TSEN2: variants seen among roughly 807,000 people sequenced by gnomAD.
TSEN2 encodes the protein tRNA splicing endonuclease subunit 2.
A neutral mutation model predicts 59.2 loss-of-function variants in TSEN2; 54 were observed. That is an observed-to-expected ratio of 0.91 (90% CI 0.73 to 1.14). TSEN2 has a LOEUF of 1.14. Among genes scored for constraint, TSEN2 ranks in the 50% most tolerant of loss-of-function variants. TSEN2 has a pLI of 0.00. For synonymous variants in TSEN2, 195 were observed against 198.2 expected, an observed-to-expected ratio of 0.98 and a Z score of 0.14; for missense variants, 636 against 576.2, an observed-to-expected ratio of 1.10 and a Z score of -1.06.
chr3:12,503,686 C>G lies in TSEN2; in HGVS notation c.733C>G (p.Leu245Val). ...TGAAGACGGCAGCCAGCACATCGGC[C>G]TCCTGCATCCTGGGGACAGAGGGCC... ...HHEDGSQHIG[L>V]LHPGDRGPDH... The change falls in exon 5 of 12, where the codon CTC (leucine) becomes GTC (valine). Residue 245 changes from leucine to valine, a missense_variant. By Grantham distance (32) the Leu-to-Val change is conservative (BLOSUM62 1). Transcript: ENST00000284995. The G allele has an allele frequency of 6.2e-7, 1 of 1,611,398 alleles. No individual in the cohort carries two copies. Among genetic ancestry groups the G allele is most frequent in the South Asian group, 1.1e-5 (1 of 90,674 alleles).
At position 12,489,867 on chromosome 3, in the gene TSEN2, T is replaced by C. The variant is rs1376779188; in HGVS notation, c.67T>C (p.Leu23=). The C allele has an allele frequency of 1.2e-6, 2 of 1,614,000 alleles. No individual in the cohort carries two copies. Among genetic ancestry groups the C allele is most frequent in the African/African-American group, 1.3e-5 (1 of 74,920 alleles). ...RRVYETYESP[L]PIPFGQDHGP... ...AGTGTATGAGACTTACGAGTCTCCA[T>C]TGCCAATCCCTTTTGGTCAGGACCA... is the stretch of plus-strand genomic sequence containing the variant. Residue 23 remains leucine (L), a synonymous_variant, in exon 2 of 12, where the codon TTG becomes CTG. Transcript: ENST00000284995.
intron 10 of TSEN2, 170 bp downstream of exon 10, chr3:12,530,043 G>A: frequency 6.9e-7 from 1 of 1,444,644 alleles, no homozygotes; most frequent in Non-Finnish European, 9.0e-7. Context: ...TATTGCGCTA[G>A]AAGTTGTCCT....
intron 9 of TSEN2, 130 bp from the exon 10 acceptor site, chr3:12,529,632 A>G (rs2125245253): frequency 2.5e-6 from 2 of 810,902 alleles, no homozygotes; most frequent in Non-Finnish European, 3.9e-6. Flanking sequence ...CTCAATAGCA[A>G]TTTAGGGGAA....
chr3:12,518,026 A>G lies in TSEN2; in HGVS notation c.961-1033A>G, dbSNP rs112692488. Among the ~76,000 whole-genome samples the G allele has an allele frequency of 5.3e-5, 8 of 152,360 alleles. 1 individual carries two copies. Among genetic ancestry groups the G allele is most frequent in the African/African-American group, 1.9e-4 (8 of 41,582 alleles). ...TCACTGAGTGACTGAGCCTTAAATC[A>G]GCTGAAGACTTGATTGTTTCAGTAA... On this transcript the variant is annotated intron_variant, in intron 7 of 11. Coordinates refer to ENST00000284995, the MANE Select transcript of TSEN2 (RefSeq NM_025265.4).
chr3:12,521,347 G>A (rs941847547), intron 8 of TSEN2, among the ~76,000 whole-genome samples: 4 of 152,204 alleles, frequency 2.6e-5, no homozygotes, highest in Admixed American at 6.5e-5. Context: ...ACTACATGAC[G>A]TAGTTTCTGC....
intron 11 of TSEN2, 54 bp from the exon 12 acceptor site, chr3:12,532,608 G>T: frequency 6.3e-7 from 1 of 1,582,446 alleles, no homozygotes; most frequent in South Asian, 1.1e-5. Context: ...TGTGGTGTCA[G>T]AATGGTCTTA....
chr3:12,497,356 T>C (rs1252515893), intron 4 of TSEN2, among the ~76,000 whole-genome samples: 1 of 152,244 alleles, frequency 6.6e-6, no homozygotes, highest in African/African-American at 2.4e-5. Context: ...TTGTTCATCT[T>C]GCTTCTGGCA....
intron 10 of TSEN2, chr3:12,531,205 A>ATAATT (rs1559367169): frequency 8.5e-6 from 2 of 234,214 alleles, no homozygotes; most frequent in African/African-American, 2.3e-5. Flanking sequence ...TGTGGGAACT[A>ATAATT]CAAGATGAGA....
chr3:12,492,342 C>A, intron 3 of TSEN2, 125 bp downstream of exon 3: 1 of 757,628 alleles, frequency 1.3e-6, no homozygotes, highest in South Asian at 1.6e-5. Flanking sequence ...GTTTTACTGC[C>A]AAAGTTAGCT....
At position 12,503,516 on chromosome 3, in the gene TSEN2, A is replaced by T; in HGVS notation, c.563A>T (p.Glu188Val). 1 of 1,614,072 alleles carries T rather than the reference A, an allele frequency of 6.2e-7. No homozygotes were observed. The highest frequency in any genetic ancestry group is 8.5e-7 in the Non-Finnish European group (1 of 1,179,916). ...GKSGGVGDPR[E>V]PLGCLQEGSG... ...TCAGGTGGTGTGGGTGATCCCCGTGAGCCATTAGGCTGCCTGCAGGAGGGC... is the reference window on the plus strand; with the variant it reads ...TCAGGTGGTGTGGGTGATCCCCGTGTGCCATTAGGCTGCCTGCAGGAGGGC... Residue 188 changes from glutamate to valine, a missense_variant, in exon 5 of 12, where the codon GAG becomes GTG. Physicochemically the swap from Glu to Val is moderately radical, Grantham distance 121. Coordinates refer to ENST00000284995, the MANE Select transcript of TSEN2 (RefSeq NM_025265.4).
chr3:12,536,929 G>C (rs1189143925), downstream of TSEN2, among the ~76,000 whole-genome samples: 3 of 152,020 alleles, frequency 2.0e-5, no homozygotes, highest in Non-Finnish European at 4.4e-5. Context: ...CTTGAACCCG[G>C]GAGGTGGGAG....
intron 10 of TSEN2, chr3:12,538,869 T>C (rs1041033486): frequency 8.5e-6 from 2 of 235,320 alleles, no homozygotes; most frequent in Admixed American, 5.5e-5. Context: ...TCTCTTCATG[T>C]GCTTTCTGAA....
chr3:12,495,018 T>G (rs895095402), intron 3 of TSEN2, among the ~76,000 whole-genome samples: 15 of 145,066 alleles, frequency 1.0e-4, no homozygotes, highest in Admixed American at 1.0e-3. Flanking sequence ...CCCAGCTACT[T>G]GGGAGGCTGA....
At chr3:12,524,266 T>C (rs1156458088) in intron 8 of TSEN2, among the ~76,000 whole-genome samples, 1 of 152,190 alleles carries the variant, frequency 6.6e-6, no homozygotes, top group African/African-American at 2.4e-5. Flanking sequence ...CACATTTGAT[T>C]ATTATATCTA....
rs887127396 is a variant in TSEN2 at position 12,484,758 on chromosome 3, C to G, written c.-140C>G. 1 of 152,206 alleles carries G rather than the reference C, an allele frequency of 6.6e-6. No individual in the cohort carries two copies. 9.4% of individuals were successfully genotyped at this position (152,206 alleles called of 1,614,324 possible). ...TGCAGCCCTTGGTTCTTGGAAACGC[C>G]GGCGCCTTGTTCAGGGCTGGTGGGG... On this transcript the variant is annotated 5_prime_UTR_variant, in exon 1 of 12. Transcript: ENST00000284995.
upstream of TSEN2, among the ~76,000 whole-genome samples, chr3:12,482,526 TTC>T (rs1419344460): frequency 2.6e-5 from 4 of 151,896 alleles, no homozygotes; most frequent in Admixed American, 1.3e-4. Flanking sequence ...TGGGGAAAAT[TTC>T]TTTCTTTTTT....
At chr3:12,517,344 C>T (rs144606852) in intron 7 of TSEN2, among the ~76,000 whole-genome samples, 1,038 of 53,764 alleles carry the variant, frequency 0.019, 11 homozygotes, top group African/African-American at 0.16. Context: ...GGCGACAGAC[C>T]GAGACTCTGT....
upstream of TSEN2, chr3:12,484,467 C>T (rs1466783770): frequency 6.6e-6 from 1 of 152,298 alleles, no homozygotes; most frequent in Admixed American, 6.5e-5. Flanking sequence ...GCGGTGTCCG[C>T]CCCACGGCCG....
At chr3:12,491,441 G>T (rs2053200819) in intron 2 of TSEN2, among the ~76,000 whole-genome samples, 1 of 152,178 alleles carries the variant, frequency 6.6e-6, no homozygotes, top group Admixed American at 6.5e-5. Flanking sequence ...TTCAATTCTG[G>T]AGTACAAAAG....
Sources: allele counts gnomAD v4.1 joint callset (sites outside exome capture counted in the v4.1 genomes callset), GRCh38; gene constraint gnomAD v4.1.1; transcripts MANE v1.5; gene names NCBI Gene and HGNC (gene_info 2026-07-23, HGNC 2026-07-21).